The following GRIK5 variants were observed in gnomAD, a reference collection of about 807,000 sequenced individuals.
GRIK5 encodes the protein glutamate receptor ionotropic, kainate 5.
A neutral mutation model predicts 97.4 loss-of-function variants in GRIK5; 43 were observed. The ratio of observed to expected loss-of-function variants is 0.44; its 90% confidence interval spans 0.35 to 0.57. The LOEUF (loss-of-function observed/expected upper bound fraction) is 0.57, where lower values mean the gene tolerates loss of function less well. GRIK5 is among the 20% of genes least tolerant of loss of function. The pLI is 0.01. For synonymous variants in GRIK5, 580 were observed against 583.5 expected (o/e 0.99, Z 0.09); for missense variants, 1,015 against 1,382.0 (o/e 0.73, Z 4.21).
At chr19:42,053,744 C>T in intron 10 of GRIK5, 35 bp from the exon 11 acceptor site, 1 of 1,531,316 alleles carries the variant, frequency 6.5e-7, no homozygotes, top group Non-Finnish European at 9.1e-7. Context: ...AGCTCAGGCC[C>T]TGCCTGAGGT....
At chr19:42,001,878 C>T in intron 19 of GRIK5, 1 of 533,900 alleles carries the variant, frequency 1.9e-6, no homozygotes. Flanking sequence ...AGCCATTTGG[C>T]TGGTGGGATC....
rs2076185729 is a variant in GRIK5, at chr19:42,056,486, T to C, written c.903+176A>G. 2.6e-5 allele frequency among the ~76,000 whole-genome samples: 4 copies of C among 151,326 alleles called. No homozygotes were observed. In the South Asian group the frequency reaches 6.3e-4, roughly 24 times the overall value. On this transcript the variant is annotated intron_variant, in intron 8 of 19. Coordinates refer to ENST00000593562, the MANE Select transcript of GRIK5 (RefSeq NM_002088.5). ...CCTCGAGGAGCTGGTGTGGCCAGAG[T>C]GGTGTGGGAGGTAGAGAGAGAGGAG...
intron 3 of GRIK5, among the ~76,000 whole-genome samples, chr19:42,063,849 C>A (rs535166858): frequency 6.6e-6 from 1 of 152,310 alleles, no homozygotes; most frequent in South Asian, 2.1e-4. Flanking sequence ...GTGACATGAG[C>A]TAATAAGTTC....
intron 12 of GRIK5, among the ~76,000 whole-genome samples, chr19:42,033,363 C>T (rs916944617): frequency 6.6e-6 from 1 of 150,506 alleles, no homozygotes; most frequent in African/African-American, 2.4e-5. Flanking sequence ...TGGTATATGC[C>T]ATGATGTGGA....
intron 5 of GRIK5, 137 bp from the exon 6 acceptor site, chr19:42,059,664 T>C: frequency 1.5e-6 from 1 of 681,648 alleles, no homozygotes; most frequent in Non-Finnish European, 2.4e-6. Flanking sequence ...CTGGGTCCCA[T>C]GGGGTAATGG....
rs763521231 is a variant in GRIK5, at chr19:42,065,283, G to C, written c.184C>G (p.Arg62Gly). ...AGCTCAAAGATGTCTACTTCCACTC[G>C]GGCCTTGGCTGGGACCTCGATGATC... ...NGIIEVPAKA[R>G]VEVDIFELQR... The change falls in exon 3 of 20, where the codon CGA (arginine) becomes GGA (glycine). Residue 62 changes from arginine to glycine, a missense_variant. This residue lies in a region of GRIK5 where 198 missense variants were observed against 218.2 expected (regional missense o/e 0.91). Coordinates refer to ENST00000593562, the MANE Select transcript of GRIK5 (RefSeq NM_002088.5). This position sits in a 1 kb window ranked among gnomAD's most constrained non-coding sequence, Gnocchi z 5.8. 7 of 1,613,112 alleles carry C rather than the reference G, an allele frequency of 4.3e-6. No homozygotes were observed. In the African/African-American group the frequency reaches 8.0e-5, roughly 18 times the overall value.
At position 42,014,165 on chromosome 19, in the gene GRIK5, G is replaced by A. The variant is rs558591396; in HGVS notation, c.1871+7136C>T. 1.1e-3 allele frequency among the ~76,000 whole-genome samples: 170 copies of A among 151,106 alleles called. 2 individuals are homozygous for A. The highest frequency in any genetic ancestry group is 5.9e-4 in the East Asian group (3 of 5,070). ...TCCCAGCACTTTGGGAGTCTGAGGCGGGTGGATTGCCTGAGCTCCAGAGTT... is the reference window on the plus strand; with the variant it reads ...TCCCAGCACTTTGGGAGTCTGAGGCAGGTGGATTGCCTGAGCTCCAGAGTT... On this transcript the variant is annotated intron_variant, in intron 15 of 19. Coordinates refer to ENST00000593562, the MANE Select transcript of GRIK5 (RefSeq NM_002088.5).
intron 1 of GRIK5, chr19:42,068,697 G>T: frequency 2.1e-6 from 1 of 466,204 alleles, no homozygotes. Context: ...CAGAGAGAGG[G>T]ATCTAAACAG....
At position 42,006,878 on chromosome 19, in the gene GRIK5, C is replaced by T; in HGVS notation, c.1872-68G>A. The T allele has an allele frequency of 1.6e-6, 2 of 1,257,720 alleles. No homozygotes were observed. The highest frequency in any genetic ancestry group is 2.2e-6 in the Non-Finnish European group (2 of 916,786). 77.9% of individuals were successfully genotyped at this position (1,257,720 alleles called of 1,614,324 possible). A position where few individuals can be genotyped will look rare whatever the true frequency, so the allele number is the denominator to read the frequency against. ...GCTGACCTGCCCCCGTGGCCATGCCCCCCATTGGTGGTGCCCCTCCCAAGT... is the reference window on the plus strand; with the variant it reads ...GCTGACCTGCCCCCGTGGCCATGCCTCCCATTGGTGGTGCCCCTCCCAAGT... On this transcript the variant is annotated intron_variant, in intron 15 of 19. Coordinates refer to ENST00000593562, the MANE Select transcript of GRIK5 (RefSeq NM_002088.5). This position sits in a 1 kb window ranked among gnomAD's most constrained non-coding sequence, Gnocchi z 5.3.
chr19:42,038,572 T>C (rs2075937436), intron 12 of GRIK5, among the ~76,000 whole-genome samples: 1 of 152,242 alleles, frequency 6.6e-6, no homozygotes, highest in Non-Finnish European at 1.5e-5. Flanking sequence ...GACAAGGGCC[T>C]GGCACAGCGT....
At chr19:42,061,009 C>T (rs1160801552) in intron 5 of GRIK5, among the ~76,000 whole-genome samples, 1 of 152,226 alleles carries the variant, frequency 6.6e-6, no homozygotes, top group Non-Finnish European at 1.5e-5. Flanking sequence ...AGATCAGAGC[C>T]TGGCACAGAG....
In GRIK5 at chr19:42,065,390, G is replaced by A; in HGVS notation, c.80-3C>T. 1 of 1,578,686 alleles carries A rather than the reference G, an allele frequency of 6.3e-7. No individual in the cohort carries two copies. The highest frequency in any genetic ancestry group is 8.6e-7 in the Non-Finnish European group (1 of 1,160,068). ...TGTCTGATCATCCAGGATTGCAGCT[G>A]AGGGGACACATGGGTTGGGGACCAG... is the stretch of plus-strand genomic sequence containing the variant. On this transcript the variant is annotated splice_polypyrimidine_tract_variant and splice_region_variant and intron_variant, in intron 2 of 19. Transcript: ENST00000593562. The surrounding 1 kb of genome is among the most constrained non-coding windows in gnomAD (Gnocchi z 5.8).
In GRIK5 at chr19:42,021,217, G is replaced by GCC. The variant is rs2075691715; in HGVS notation, c.1871+83_1871+84insGG. 9.2e-7 allele frequency: 1 copy of GCC among 1,089,720 alleles called. No homozygotes were observed. The highest frequency in any genetic ancestry group is 1.6e-5 in the African/African-American group (1 of 63,746). The allele number at this position is 1,089,720 out of a possible 1,614,324, so 67.5% of individuals were successfully genotyped here. On this transcript the variant is annotated intron_variant, in intron 15 of 19. Transcript: ENST00000593562. This position sits in a 1 kb window ranked among gnomAD's most constrained non-coding sequence, Gnocchi z 4.2. ...GGAAAACGGGGAATCAAATCTTCCAGGAGATGCCACAGCCCCAACCCCATC... is the reference window on the plus strand; with the variant it reads ...GGAAAACGGGGAATCAAATCTTCCAGCCGAGATGCCACAGCCCCAACCCCATC...
At chr19:42,039,295 G>A (rs543423228) in intron 12 of GRIK5, among the ~76,000 whole-genome samples, 4 of 152,212 alleles carry the variant, frequency 2.6e-5, no homozygotes, top group South Asian at 2.1e-4. Context: ...CCAACATGGC[G>A]AAACCCATCT....
intron 1 of GRIK5, among the ~76,000 whole-genome samples, chr19:42,067,631 G>A (rs1248165841): frequency 6.6e-6 from 1 of 152,148 alleles, no homozygotes; most frequent in Non-Finnish European, 1.5e-5. Flanking sequence ...CAGAAAGACC[G>A]AGGGAGAGAT....
Position 42,056,780 on chromosome 19 carries a change from G to C in GRIK5, c.785C>G (p.Ser262Cys), listed in dbSNP as rs372712217. The C allele has an allele frequency of 5.6e-5, 90 of 1,614,124 alleles. 2 individuals are homozygous for C. The South Asian group carries it at 9.2e-4, about 17-fold the overall frequency. ...GAACATGGAGAAGCCCAGGATGTTG[G>C]AGGAGTCCTCCACAATACCGTCCAG... ...LHLDGIVEDS[S>C]NILGFSMFNT... is the part of the protein sequence containing the mutation. The change falls in exon 8 of 20, where the codon TCC (serine) becomes TGC (cysteine). Residue 262 changes from serine (S) to cysteine (C), a missense_variant. By Grantham distance (112) the Ser-to-Cys change is moderately radical (BLOSUM62 -1). This residue lies in a region of GRIK5 where 477 missense variants were observed against 701.1 expected (regional missense o/e 0.68). Transcript: ENST00000593562.
chr19:42,056,114 T>C (rs1224390197), intron 8 of GRIK5, among the ~76,000 whole-genome samples: 1 of 152,094 alleles, frequency 6.6e-6, no homozygotes, highest in Non-Finnish European at 1.5e-5. Flanking sequence ...GCCTCCCAAG[T>C]AGCTGGATTA....
intron 11 of GRIK5, among the ~76,000 whole-genome samples, chr19:42,049,332 T>C (rs780536361): frequency 6.6e-6 from 1 of 152,158 alleles, no homozygotes; most frequent in Non-Finnish European, 1.5e-5. Context: ...CACCAGTACA[T>C]GTTCACCAAA....
Position 42,062,368 on chromosome 19 carries a change from C to T in GRIK5, c.508+120G>A. On this transcript the variant is annotated intron_variant, in intron 5 of 19. Transcript: ENST00000593562. This position sits in a 1 kb window ranked among gnomAD's most constrained non-coding sequence, Gnocchi z 5.3. ...CGGTTTCTGAAGATGGGAGAAGAGC[C>T]TGGTGCCTGGGTGCCCCAGGGTTCT... 1.1e-6 allele frequency: 1 copy of T among 934,330 alleles called. No homozygotes were observed. The highest frequency in any genetic ancestry group is 1.6e-6 in the Non-Finnish European group (1 of 623,182). 57.9% of individuals were successfully genotyped at this position (934,330 alleles called of 1,614,324 possible). A position where few individuals can be genotyped will look rare whatever the true frequency, so the allele number is the denominator to read the frequency against.
Sources: allele counts gnomAD v4.1 joint callset (sites outside exome capture counted in the v4.1 genomes callset), GRCh38; gene constraint gnomAD v4.1.1; regional missense constraint gnomAD v4.1.1; non-coding constraint Gnocchi (gnomAD v3.1); transcripts MANE v1.5; gene names NCBI Gene and HGNC (gene_info 2026-07-23, HGNC 2026-07-21).